The following PCDHGB4 variants were observed in gnomAD, a reference collection of about 807,000 sequenced individuals.
PCDHGB4 encodes the protein protocadherin gamma-B4.
A neutral mutation model predicts 60.5 loss-of-function variants in PCDHGB4; 38 were observed. The ratio of observed to expected loss-of-function variants is 0.63; its 90% CI spans 0.48 to 0.82. PCDHGB4 has a LOEUF of 0.82. Among genes scored for constraint, PCDHGB4 ranks in the 40% least tolerant of loss-of-function variants. The probability of loss-of-function intolerance (pLI) is 0.00; values close to 1 mark genes in which losing one functional copy is unlikely to be tolerated. For missense variants in PCDHGB4, 1,109 were observed against 1,209.6 expected, an observed-to-expected ratio of 0.92 and a Z score of 1.23; for synonymous variants, 456 against 509.7, an observed-to-expected ratio of 0.89 and a Z score of 1.42.
In PCDHGB4 at chr5:141,432,872, C is replaced by A. The variant is rs73280906; in HGVS notation, c.2397+42591C>A. The stretch of plus-strand genomic sequence containing the variant: ...GGTGGCCGCGGTCTCCTGCGTCTTC[C>A]TGGCCTTCGTCATCTTGCTGCTGGC... On this transcript the variant is annotated intron_variant, in intron 1 of 3. Transcript: ENST00000519479. The surrounding 1 kb of genome is among the most constrained non-coding windows in gnomAD (Gnocchi z 6.0). 2,361 of 1,614,192 alleles carry A rather than the reference C, an allele frequency of 1.5e-3. 32 individuals carry two copies. In the African/African-American group the frequency reaches 0.028, roughly 19 times the overall value.
At position 141,476,573 on chromosome 5, in the gene PCDHGB4, C is replaced by T; in HGVS notation, c.2398-18234C>T. 6.2e-7 allele frequency: 1 copy of T among 1,614,216 alleles called. No homozygotes were observed. Among genetic ancestry groups the T allele is most frequent in the Non-Finnish European group, 8.5e-7 (1 of 1,180,038 alleles). On this transcript the variant is annotated intron_variant, in intron 1 of 3. Coordinates refer to ENST00000519479, the MANE Select transcript of PCDHGB4 (RefSeq NM_003736.4). The surrounding 1 kb of genome is among the most constrained non-coding windows in gnomAD (Gnocchi z 7.6). ...TAGCGAGGCCGTGGCTCCGGGGACG[C>T]GCTTTCCGCTCGAGAGCGCGCACGA... is the stretch of plus-strand genomic sequence containing the variant.
chr5:141,468,339 A>G (rs1320544911), intron 1 of PCDHGB4: 2 of 151,348 alleles, frequency 1.3e-5, no homozygotes, highest in Non-Finnish European at 2.9e-5. Context: ...TCAAAAAAAA[A>G]AAAAAAAAAA....
At position 141,487,147 on chromosome 5, in the gene PCDHGB4, T is replaced by C; in HGVS notation, c.2398-7660T>C. 1 of 1,614,122 alleles carries C rather than the reference T, an allele frequency of 6.2e-7. No individual in the cohort carries two copies. Among genetic ancestry groups the C allele is most frequent in the Non-Finnish European group, 8.5e-7 (1 of 1,179,952 alleles). On this transcript the variant is annotated intron_variant, in intron 1 of 3. Transcript: ENST00000519479. This position sits in a 1 kb window ranked among gnomAD's most constrained non-coding sequence, Gnocchi z 5.0. ...GTGGTAGTCCACCACTCTCTACCTC[T>C]GTTACTCTCTTAGTGTCCTTAGAGG...
intron 1 of PCDHGB4, among the ~76,000 whole-genome samples, chr5:141,442,945 C>G (rs1000311671): frequency 1.8e-4 from 28 of 152,150 alleles, no homozygotes; most frequent in African/African-American, 6.3e-4. Context: ...GAAACTTCCT[C>G]TCACTGCAAA....
intron 1 of PCDHGB4, among the ~76,000 whole-genome samples, chr5:141,447,724 A>T (rs2098549653): frequency 6.6e-6 from 1 of 152,126 alleles, no homozygotes. Flanking sequence ...ATTTTCCAAA[A>T]CTCATTGAAC....
intron 1 of PCDHGB4, chr5:141,427,998 C>G: frequency 6.2e-7 from 1 of 1,600,956 alleles, no homozygotes; most frequent in Non-Finnish European, 8.6e-7. Context: ...TGGCTCCGCA[C>G]TCTTCGATAT....
At chr5:141,391,306 C>CTTTTTTTTTTTT in intron 1 of PCDHGB4, 1 of 146,116 alleles carries the variant, frequency 6.8e-6, no homozygotes. Flanking sequence ...TCTTTCGATT[C>CTTTTTTTTTTTT]TTTTTTTTTT....
chr5:141,506,516 G>A (rs2099854579), intron 3 of PCDHGB4, among the ~76,000 whole-genome samples: 1 of 151,324 alleles, frequency 6.6e-6, no homozygotes, highest in Non-Finnish European at 1.5e-5. Flanking sequence ...CTGGCACCTG[G>A]CACCACCACT....
At chr5:141,413,129 A>G in intron 1 of PCDHGB4, 2 of 1,536,352 alleles carry the variant, frequency 1.3e-6, no homozygotes, top group East Asian at 2.3e-5. Context: ...GTTGAAACAC[A>G]CAACGTGTCC....
At chr5:141,417,993 C>A in intron 1 of PCDHGB4, 1 of 1,613,830 alleles carries the variant, frequency 6.2e-7, no homozygotes, top group Non-Finnish European at 8.5e-7. Flanking sequence ...GCCAAGGGCT[C>A]GGTGGTGGGG....
intron 1 of PCDHGB4, chr5:141,478,540 C>T (rs1221128622): frequency 6.2e-7 from 1 of 1,606,412 alleles, no homozygotes; most frequent in East Asian, 2.2e-5. Context: ...GCGCCCCTCC[C>T]GGACAGGTAA....
At chr5:141,428,305 G>A (rs751498223) in intron 1 of PCDHGB4, 8 of 694,348 alleles carry the variant, frequency 1.2e-5, no homozygotes, top group African/African-American at 1.8e-5. Flanking sequence ...GATTTACCTG[G>A]TCGTGGCCTT....
chr5:141,397,375 T>C (rs2093516481), intron 1 of PCDHGB4, among the ~76,000 whole-genome samples: 1 of 152,174 alleles, frequency 6.6e-6, no homozygotes, highest in South Asian at 2.1e-4. Context: ...TGTTTGGGGA[T>C]TGGTATAAAA....
chr5:141,472,980 C>CAAAAAAAAA (rs60579131), intron 1 of PCDHGB4, among the ~76,000 whole-genome samples: 30 of 86,054 alleles, frequency 3.5e-4, no homozygotes, highest in African/African-American at 5.0e-4. Context: ...GAGTGAAACT[C>CAAAAAAAAA]AAAAAAAAAA....
At position 141,490,356 on chromosome 5, in the gene PCDHGB4, T is replaced by C. The variant is rs771968534; in HGVS notation, c.2398-4451T>C. ...CAGTGGGCACAGTAGTGGGGTTGTT[T>C]AATGTGCGAGACCGGGACTCAGGTA... On this transcript the variant is annotated intron_variant, in intron 1 of 3. Coordinates refer to ENST00000519479, the MANE Select transcript of PCDHGB4 (RefSeq NM_003736.4). The surrounding 1 kb of genome is among the most constrained non-coding windows in gnomAD (Gnocchi z 5.4). 1.4e-5 allele frequency: 23 copies of C among 1,614,084 alleles called. No individual in the cohort carries two copies. Among genetic ancestry groups the C allele is most frequent in the Non-Finnish European group, 1.9e-5 (22 of 1,180,038 alleles).
chr5:141,446,482 CTT>C (rs112180482), intron 1 of PCDHGB4, among the ~76,000 whole-genome samples: 6 of 147,048 alleles, frequency 4.1e-5, no homozygotes, highest in East Asian at 4.0e-4. Context: ...GGTCATCATT[CTT>C]TTTTTTTTTT....
At chr5:141,401,102 G>C (rs1372226488) in intron 1 of PCDHGB4, among the ~76,000 whole-genome samples, 3 of 152,150 alleles carry the variant, frequency 2.0e-5, no homozygotes, top group Non-Finnish European at 4.4e-5. Context: ...CCAGCACTTT[G>C]GGAGGCCGAG....
intron 1 of PCDHGB4, chr5:141,423,517 T>G (rs750915364): frequency 1.9e-6 from 3 of 1,613,716 alleles, no homozygotes; most frequent in Non-Finnish European, 2.5e-6. Flanking sequence ...CATTGCGGAC[T>G]CGCAGAAGAG....
chr5:141,404,165 T>C, intron 1 of PCDHGB4: 1 of 1,613,246 alleles, frequency 6.2e-7, no homozygotes, highest in South Asian at 1.1e-5. Flanking sequence ...TTACAGATTG[T>C]TGACGGCCCA....
Sources: gnomAD v4.1 joint callset for allele counts (sites outside exome capture counted in the v4.1 genomes callset) on GRCh38, gnomAD v4.1.1 for gene constraint, Gnocchi (gnomAD v3.1) non-coding constraint, MANE v1.5 for transcripts, NCBI Gene and HGNC (gene_info 2026-07-23, HGNC 2026-07-21) for gene names.